Variants in UBASH3B observed in about 807,000 individuals in gnomAD.
UBASH3B encodes ubiquitin-associated and SH3 domain-containing protein B.
A neutral mutation model predicts 83.4 loss-of-function variants in UBASH3B; 37 were observed. The ratio of observed to expected loss-of-function variants is 0.44; its 90% CI spans 0.34 to 0.58. The LOEUF is 0.58. Ranked by LOEUF, UBASH3B falls within the 20% of genes least tolerant of loss-of-function variation. UBASH3B has a pLI of 0.01. For synonymous variants in UBASH3B, 304 were observed against 318.3 expected (o/e 0.96, Z 0.48); for missense variants, 657 against 827.2 (o/e 0.79, Z 2.52).
Position 122,781,214 on chromosome 11 carries a change from C to T in UBASH3B, c.601+1519C>T, listed in dbSNP as rs562753317. On this transcript the variant is annotated intron_variant, in intron 4 of 13. Transcript: ENST00000284273. ...CTCCCTCAGCGACGGGACTAGTCTC[C>T]GGGTCCTGACTTCAGTGAAGCCTGA... Among the ~76,000 whole-genome samples the T allele has an allele frequency of 3.5e-3, 527 of 151,568 alleles. 3 individuals carry two copies. The highest frequency in any genetic ancestry group is 0.012 in the African/African-American group (495 of 41,260).
intron 1 of UBASH3B, among the ~76,000 whole-genome samples, chr11:122,764,633 G>A (rs191973044): frequency 8.1e-4 from 124 of 152,340 alleles, no homozygotes; most frequent in African/African-American, 2.8e-3. Flanking sequence ...ACTGAATTGC[G>A]TGGATCTTAT....
chr11:122,741,180 T>C (rs1861018243), intron 1 of UBASH3B, among the ~76,000 whole-genome samples: 1 of 152,194 alleles, frequency 6.6e-6, no homozygotes, highest in Admixed American at 6.5e-5. Context: ...ACTAAAGCTG[T>C]GATGTGATTC....
At chr11:122,757,709 C>CTT (rs781180822) in intron 1 of UBASH3B, among the ~76,000 whole-genome samples, 359 of 92,094 alleles carry the variant, frequency 3.9e-3, no homozygotes, top group African/African-American at 8.2e-3. Flanking sequence ...CTTCTTTTCC[C>CTT]TTTTTTTTTT....
At chr11:122,673,333 C>A (rs1248234219) in intron 1 of UBASH3B, among the ~76,000 whole-genome samples, 1 of 152,080 alleles carries the variant, frequency 6.6e-6, no homozygotes, top group African/African-American at 2.4e-5. Flanking sequence ...ATAGCCTTAG[C>A]CAACCTTTAA....
chr11:122,669,842 C>T (rs1863569712), intron 1 of UBASH3B, among the ~76,000 whole-genome samples: 1 of 152,186 alleles, frequency 6.6e-6, no homozygotes. Context: ...CATCACACAG[C>T]TAGAAAGTGG....
At chr11:122,765,532 C>G (rs886195512) in intron 1 of UBASH3B, among the ~76,000 whole-genome samples, 1 of 152,204 alleles carries the variant, frequency 6.6e-6, no homozygotes, top group Non-Finnish European at 1.5e-5. Context: ...CTTGCTCACA[C>G]CCCTCCATGA....
intron 1 of UBASH3B, among the ~76,000 whole-genome samples, chr11:122,722,310 T>C (rs185878703): frequency 6.6e-6 from 1 of 152,370 alleles, no homozygotes; most frequent in East Asian, 1.9e-4. Flanking sequence ...CTGATAGGTG[T>C]CCTGGTTCTC....
At chr11:122,765,616 G>A (rs1860522854) in intron 1 of UBASH3B, among the ~76,000 whole-genome samples, 1 of 152,224 alleles carries the variant, frequency 6.6e-6, no homozygotes, top group Non-Finnish European at 1.5e-5. Context: ...AGTGGAGGAA[G>A]AAGTTTAGCA....
chr11:122,767,996 G>A (rs751721340), intron 1 of UBASH3B, among the ~76,000 whole-genome samples: 52 of 152,012 alleles, frequency 3.4e-4, no homozygotes, highest in African/African-American at 1.1e-3. Context: ...GACTTGTAGC[G>A]GTTGACTTGC....
At chr11:122,720,035 CCTTCTCT>C (rs1200532998) in intron 1 of UBASH3B, among the ~76,000 whole-genome samples, 1 of 152,112 alleles carries the variant, frequency 6.6e-6, no homozygotes, top group Non-Finnish European at 1.5e-5. Flanking sequence ...ACCATGGACC[CCTTCTCT>C]CCTTTGTCTA....
chr11:122,700,795 C>T (rs1412948294), intron 1 of UBASH3B, among the ~76,000 whole-genome samples: 1 of 152,174 alleles, frequency 6.6e-6, no homozygotes, highest in Non-Finnish European at 1.5e-5. Context: ...AAGCACCTGG[C>T]CTACTTCTGA....
intron 3 of UBASH3B, among the ~76,000 whole-genome samples, chr11:122,777,806 T>A (rs1860765396): frequency 6.6e-6 from 1 of 152,190 alleles, no homozygotes; most frequent in African/African-American, 2.4e-5. Context: ...CTCGGCTCAC[T>A]GCAACCTCCA....
intron 1 of UBASH3B, among the ~76,000 whole-genome samples, chr11:122,710,711 G>C (rs1165567215): frequency 6.6e-6 from 1 of 152,106 alleles, no homozygotes; most frequent in East Asian, 1.9e-4. Flanking sequence ...GGGCCTGCTG[G>C]GGAGAATTGG....
At chr11:122,749,737 A>AT (rs1229504501) in intron 1 of UBASH3B, among the ~76,000 whole-genome samples, 3 of 151,970 alleles carry the variant, frequency 2.0e-5, no homozygotes, top group East Asian at 1.9e-4. Context: ...ATTTTATTTT[A>AT]TTTATTTTAT....
chr11:122,810,038 G>A lies in UBASH3B; in HGVS notation c.*152G>A, dbSNP rs1479730544. 1.1e-6 allele frequency: 1 copy of A among 891,144 alleles called. No individual in the cohort carries two copies. The highest frequency in any genetic ancestry group is 1.6e-6 in the Non-Finnish European group (1 of 608,008). The allele number at this position is 891,144 out of a possible 1,614,324, so 55.2% of individuals were successfully genotyped here. On this transcript the variant is annotated 3_prime_UTR_variant, in exon 14 of 14. Coordinates refer to ENST00000284273, the MANE Select transcript of UBASH3B (RefSeq NM_032873.5). ...CACTTAAAGTTCTTAAGATGAGACTGTGTAAATGAGAGAAAGACTTGATTC... is the reference window on the plus strand; with the variant it reads ...CACTTAAAGTTCTTAAGATGAGACTATGTAAATGAGAGAAAGACTTGATTC...
At chr11:122,795,579 C>T (rs1164033554) in intron 7 of UBASH3B, among the ~76,000 whole-genome samples, 5 of 152,212 alleles carry the variant, frequency 3.3e-5, no homozygotes, top group Admixed American at 3.3e-4. Context: ...TATGTCATCA[C>T]CCAGAGGTAG....
chr11:122,738,063 T>C (rs1860963201), intron 1 of UBASH3B, among the ~76,000 whole-genome samples: 1 of 151,960 alleles, frequency 6.6e-6, no homozygotes, highest in African/African-American at 2.4e-5. Context: ...AAAGTAAAAG[T>C]AGAGAACAAA....
Position 122,810,193 on chromosome 11 carries a change from G to A in UBASH3B, c.*307G>A. Reference sequence around the variant, plus strand: ...CCCTCTGGGTATGCACAGCTAAGGGGCCTCATTTCTCCCAGAGGGAGCTGC... The same window carrying A: ...CCCTCTGGGTATGCACAGCTAAGGGACCTCATTTCTCCCAGAGGGAGCTGC... On this transcript the variant is annotated 3_prime_UTR_variant, in exon 14 of 14. Coordinates refer to ENST00000284273, the MANE Select transcript of UBASH3B (RefSeq NM_032873.5). The A allele has an allele frequency of 4.2e-6, 1 of 237,318 alleles. No homozygotes were observed. Among genetic ancestry groups the A allele is most frequent in the East Asian group, 9.6e-5 (1 of 10,414 alleles). The allele number at this position is 237,318 out of a possible 1,614,324, so 14.7% of individuals were successfully genotyped here. A position where few individuals can be genotyped will look rare whatever the true frequency, so the allele number is the denominator to read the frequency against.
In UBASH3B at chr11:122,809,870, C is replaced by T. The variant is rs765287884; in HGVS notation, c.1934C>T (p.Thr645Ile). 5 of 1,613,966 alleles carry T rather than the reference C, an allele frequency of 3.1e-6. No homozygotes were observed. In the Admixed American group the frequency reaches 6.7e-5, roughly 22 times the overall value. ...GPTGGFNWRE[T>I]LLQE Reference sequence around the variant, plus strand: ...ACTGGGGGCTTCAACTGGAGAGAGACCTTGCTTCAAGAATAAACCACACCA... The same window carrying T: ...ACTGGGGGCTTCAACTGGAGAGAGATCTTGCTTCAAGAATAAACCACACCA... Residue 645 changes from threonine to isoleucine, a missense_variant, in exon 14 of 14, where the codon ACC becomes ATC. Thr to Ile is a moderately conservative substitution (Grantham distance 89). Transcript: ENST00000284273.
Sources: allele counts gnomAD v4.1 joint callset (sites outside exome capture counted in the v4.1 genomes callset), GRCh38; gene constraint gnomAD v4.1.1; transcripts MANE v1.5; gene names NCBI Gene and HGNC (gene_info 2026-07-23, HGNC 2026-07-21).